WIPF1: variants seen among roughly 807,000 people sequenced by gnomAD.
WIPF1 encodes the protein WAS/WASL interacting protein family member 1.
In WIPF1, 13 loss-of-function variants were observed where a neutral mutation model predicts 35.4. The observed-to-expected ratio is 0.37, with a 90% CI of 0.24 to 0.58. The LOEUF is 0.58. Ranked by LOEUF, WIPF1 falls within the 20% of genes least tolerant of loss-of-function variation. The pLI, the probability that WIPF1 is intolerant of heterozygous loss-of-function variation, is 0.74. For synonymous variants in WIPF1, 267 were observed against 266.3 expected (o/e 1.00, Z -0.02); for missense variants, 591 against 667.0 (o/e 0.89, Z 1.25).
intron 1 of WIPF1, among the ~76,000 whole-genome samples, chr2:174,682,059 T>C (rs557186703): frequency 2.0e-5 from 3 of 152,288 alleles, no homozygotes; most frequent in South Asian, 2.1e-4. Context: ...GTATGTATAG[T>C]AGAAAAAGGT....
At chr2:174,625,941 G>A (rs1375349394) in intron 1 of WIPF1, 1 of 152,098 alleles carries the variant, frequency 6.6e-6, no homozygotes, top group Non-Finnish European at 1.5e-5. Context: ...GAATATGGAG[G>A]GCCAGCGGTA....
At chr2:174,585,403 C>T (rs778708431) in intron 2 of WIPF1, 120 bp downstream of exon 2, 1 of 1,036,210 alleles carries the variant, frequency 9.7e-7, no homozygotes, top group South Asian at 1.4e-5. Context: ...ACTGGGAAAG[C>T]CTGTTGTATC....
chr2:174,663,739 C>T (rs1574867142), intron 1 of WIPF1, among the ~76,000 whole-genome samples: 1 of 152,212 alleles, frequency 6.6e-6, no homozygotes, highest in Non-Finnish European at 1.5e-5. Context: ...CACCACCAAG[C>T]TCTTCTGTTT....
At chr2:174,608,410 C>T (rs1686241767) in intron 1 of WIPF1, among the ~76,000 whole-genome samples, 1 of 152,132 alleles carries the variant, frequency 6.6e-6, no homozygotes, top group South Asian at 2.1e-4. Flanking sequence ...AAACAAAAAG[C>T]AAACAAATAC....
chr2:174,643,265 T>C (rs1016159986), intron 1 of WIPF1, among the ~76,000 whole-genome samples: 3 of 149,786 alleles, frequency 2.0e-5, no homozygotes, highest in Admixed American at 1.3e-4. Flanking sequence ...AAGTCAATAA[T>C]GATAATGGAA....
intron 7 of WIPF1, among the ~76,000 whole-genome samples, chr2:174,564,038 C>A (rs1040324429): frequency 1.3e-5 from 2 of 152,142 alleles, no homozygotes; most frequent in South Asian, 2.1e-4. Flanking sequence ...TGACCCGCCA[C>A]AAGTGGTTAG....
At chr2:174,603,874 C>A (rs1398990551) in intron 1 of WIPF1, among the ~76,000 whole-genome samples, 1 of 151,578 alleles carries the variant, frequency 6.6e-6, no homozygotes, top group Non-Finnish European at 1.5e-5. Context: ...TACTGAAATC[C>A]CAAAAGATCA....
intron 3 of WIPF1, among the ~76,000 whole-genome samples, chr2:174,580,300 G>A (rs1685194477): frequency 6.6e-6 from 1 of 152,130 alleles, no homozygotes; most frequent in African/African-American, 2.4e-5. Flanking sequence ...ACTTTGCCCG[G>A]TAACAGAACA....
At chr2:174,673,007 G>A (rs1035458182) in intron 1 of WIPF1, among the ~76,000 whole-genome samples, 2 of 152,198 alleles carry the variant, frequency 1.3e-5, no homozygotes, top group Non-Finnish European at 2.9e-5. Flanking sequence ...CCAAACCAGG[G>A]ACAGTGTGAA....
intron 1 of WIPF1, among the ~76,000 whole-genome samples, chr2:174,621,013 T>C (rs1169908919): frequency 2.0e-5 from 3 of 152,156 alleles, no homozygotes; most frequent in Non-Finnish European, 4.4e-5. Flanking sequence ...GTTCAGGAGT[T>C]TGGACTTCGC....
In WIPF1 at chr2:174,576,243, A is replaced by ACAAAAAAAAAAAAAAC. The variant is rs1472519844; in HGVS notation, c.182-864_182-863insGTTTTTTTTTTTTTTG. 3.0e-4 allele frequency among the ~76,000 whole-genome samples: 45 copies of ACAAAAAAAAAAAAAAC among 150,468 alleles called. 1 individual carries two copies. The highest frequency in any genetic ancestry group is 1.0e-3 in the African/African-American group (41 of 40,028). ...ACTGCACTCCAGCAAAAAAAAAAAA[A>ACAAAAAAAAAAAAAAC]AAAAAACACTAAGCAAATATCCACA... is the stretch of plus-strand genomic sequence containing the variant. On this transcript the variant is annotated intron_variant, in intron 3 of 7. Transcript: ENST00000679041.
At chr2:174,675,150 A>G (rs1688101702) in intron 1 of WIPF1, among the ~76,000 whole-genome samples, 1 of 152,318 alleles carries the variant, frequency 6.6e-6, no homozygotes, top group South Asian at 2.1e-4. Flanking sequence ...AAAACTATAT[A>G]TGTGCATATA....
At position 174,572,254 on chromosome 2, in the gene WIPF1, G is replaced by A. The variant is rs752786667; in HGVS notation, c.551C>T (p.Pro184Leu). The change falls in exon 5 of 8, where the codon CCT becomes CTT. Residue 184 changes from proline to leucine, a missense_variant. Coordinates refer to ENST00000679041, the MANE Select transcript of WIPF1 (RefSeq NM_001375834.1). ...TCTTGGAGTACTAGGTACTGGAGGA[G>A]GAATGCTATCAGGCTTTGAGCCCAC... ...PDVGSKPDSIPPPVPSTPRPI... is the reference protein window; with the variant it reads ...PDVGSKPDSILPPVPSTPRPI... 6.8e-6 allele frequency: 11 copies of A among 1,614,222 alleles called. No individual in the cohort carries two copies. The highest frequency in any genetic ancestry group is 9.3e-6 in the Non-Finnish European group (11 of 1,180,030).
chr2:174,593,426 C>A (rs1416646379), intron 1 of WIPF1, among the ~76,000 whole-genome samples: 1 of 152,132 alleles, frequency 6.6e-6, no homozygotes, highest in Non-Finnish European at 1.5e-5. Context: ...GAATCCACTC[C>A]AAGTCACCCT....
chr2:174,629,620 T>A (rs1205960768), intron 1 of WIPF1: 1 of 152,154 alleles, frequency 6.6e-6, no homozygotes, highest in African/African-American at 2.4e-5. Flanking sequence ...CTGGTGGCAG[T>A]TCAAGAATGT....
At chr2:174,664,689 A>C (rs1309391444) in intron 1 of WIPF1, among the ~76,000 whole-genome samples, 1 of 152,244 alleles carries the variant, frequency 6.6e-6, no homozygotes, top group African/African-American at 2.4e-5. Context: ...TTACAAGTCA[A>C]ACCAGACAAA....
chr2:174,619,514 T>G (rs891483085), intron 1 of WIPF1, among the ~76,000 whole-genome samples: 22 of 152,214 alleles, frequency 1.4e-4, no homozygotes, highest in African/African-American at 5.3e-4. Flanking sequence ...CAAATCCTTG[T>G]GCACAGGTAG....
intron 1 of WIPF1, among the ~76,000 whole-genome samples, chr2:174,651,667 G>C (rs74326041): frequency 6.6e-6 from 1 of 152,272 alleles, no homozygotes; most frequent in Admixed American, 6.5e-5. Context: ...TGTGTTATAT[G>C]GTAACTACCC....
intron 1 of WIPF1, among the ~76,000 whole-genome samples, chr2:174,618,349 A>G (rs369419788): frequency 2.0e-5 from 3 of 152,210 alleles, no homozygotes; most frequent in African/African-American, 7.2e-5. Flanking sequence ...TGAACTGAGG[A>G]TCAAGGAGGG....
Sources: allele counts gnomAD v4.1 joint callset (sites outside exome capture counted in the v4.1 genomes callset), GRCh38; gene constraint gnomAD v4.1.1; transcripts MANE v1.5; gene names NCBI Gene and HGNC (gene_info 2026-07-23, HGNC 2026-07-21).